Variants in LRRC1 observed in about 807,000 individuals in gnomAD.
LRRC1 encodes leucine-rich repeat-containing protein 1.
LRRC1 carries 28 observed loss-of-function variants against 69.9 expected under a neutral mutation model. That is an observed-to-expected ratio of 0.40 (90% CI 0.30 to 0.55). LRRC1 has a LOEUF of 0.55. LRRC1 is among the 20% of genes least tolerant of loss of function. LRRC1 has a pLI of 0.47. For synonymous variants in LRRC1, 236 were observed against 240.2 expected (o/e 0.98, Z 0.16); for missense variants, 498 against 609.0 (o/e 0.82, Z 1.92).
rs759002954 is a variant in LRRC1, at chr6:53,899,798, T to C, written c.694T>C (p.Leu232=). 2 of 1,614,138 alleles carry C rather than the reference T, an allele frequency of 1.2e-6. No homozygotes were observed. The highest frequency in any genetic ancestry group is 1.1e-5 in the South Asian group (1 of 91,076). The change falls in exon 8 of 14, where the codon TTG becomes CTG. Residue 232 remains leucine (L), a synonymous_variant. Transcript: ENST00000370888. ...LLCLDVSENR[L]ERLPEEISGL... is the part of the protein sequence containing the mutation. ...GTGTTTAGATGTCTCTGAAAACAGG[T>C]TGGAAAGACTTCCTGAAGAAATCAG...
chr6:53,893,672 G>A, intron 4 of LRRC1, among the ~76,000 whole-genome samples: 1 of 152,150 alleles, frequency 6.6e-6, no homozygotes, highest in East Asian at 1.9e-4. Flanking sequence ...AAGCATTTCA[G>A]ATAAGGGATA....
At chr6:53,892,100 A>G (rs1767725780) in intron 4 of LRRC1, among the ~76,000 whole-genome samples, 2 of 151,992 alleles carry the variant, frequency 1.3e-5, no homozygotes, top group Admixed American at 1.3e-4. Context: ...ACCTATTTGC[A>G]AAATTGACTT....
intron 4 of LRRC1, among the ~76,000 whole-genome samples, chr6:53,886,540 G>A (rs1011267849): frequency 4.6e-5 from 7 of 152,072 alleles, no homozygotes; most frequent in Non-Finnish European, 1.0e-4. Context: ...GGGTAGGCTC[G>A]CTGATTATTT....
chr6:53,875,952 T>A (rs1448292624), intron 2 of LRRC1, among the ~76,000 whole-genome samples: 1 of 152,242 alleles, frequency 6.6e-6, no homozygotes, highest in Non-Finnish European at 1.5e-5. Context: ...ACTGTAGTCA[T>A]CTTACAGTGC....
At chr6:53,899,937 G>A (rs751388966) in intron 8 of LRRC1, 46 bp downstream of exon 8, 84 of 1,564,628 alleles carry the variant, frequency 5.4e-5, no homozygotes, top group South Asian at 3.6e-4. Context: ...GCCTGCCGTC[G>A]TCTTGAGGGT....
chr6:53,873,289 C>CTTTTTTTTTT (rs57201410), intron 2 of LRRC1, among the ~76,000 whole-genome samples: 5 of 136,802 alleles, frequency 3.7e-5, no homozygotes, highest in Non-Finnish European at 3.1e-5. Context: ...ACCGATTTTT[C>CTTTTTTTTTT]TTTTTTTTTT....
intron 1 of LRRC1, among the ~76,000 whole-genome samples, chr6:53,815,872 A>G (rs1288091194): frequency 3.3e-5 from 5 of 152,218 alleles, no homozygotes; most frequent in Non-Finnish European, 7.3e-5. Flanking sequence ...TAATGCTAAC[A>G]CTGAAAAATA....
chr6:53,829,394 T>C (rs1765367637), intron 1 of LRRC1, among the ~76,000 whole-genome samples: 1 of 152,250 alleles, frequency 6.6e-6, no homozygotes, highest in African/African-American at 2.4e-5. Flanking sequence ...TAAAAAGTAG[T>C]GTTGTAAAGT....
intron 1 of LRRC1, among the ~76,000 whole-genome samples, chr6:53,810,292 C>G (rs2127405293): frequency 6.6e-6 from 1 of 152,342 alleles, no homozygotes; most frequent in East Asian, 1.9e-4. Context: ...GGAAAAATCT[C>G]TAGCAGGAAT....
At chr6:53,885,693 G>A (rs1767450620) in intron 4 of LRRC1, among the ~76,000 whole-genome samples, 1 of 152,158 alleles carries the variant, frequency 6.6e-6, no homozygotes, top group Admixed American at 6.5e-5. Context: ...AAGGACTTGG[G>A]CCTCCTCAGG....
intron 12 of LRRC1, 171 bp from the exon 13 acceptor site, chr6:53,920,454 T>G (rs1218682016): frequency 5.3e-6 from 3 of 566,608 alleles, no homozygotes; most frequent in Non-Finnish European, 9.1e-6. Flanking sequence ...GTTTTTGAAT[T>G]TTGTGTGTGT....
intron 1 of LRRC1, among the ~76,000 whole-genome samples, chr6:53,838,074 C>T (rs999097765): frequency 5.3e-5 from 8 of 152,186 alleles, no homozygotes; most frequent in African/African-American, 1.9e-4. Flanking sequence ...TGGCTGATCT[C>T]AAAGGCAAGG....
chr6:53,858,733 C>T (rs1766400561), intron 2 of LRRC1, among the ~76,000 whole-genome samples: 1 of 152,086 alleles, frequency 6.6e-6, no homozygotes, highest in Non-Finnish European at 1.5e-5. Context: ...ATGGATGGTG[C>T]TGTGTGACAA....
intron 2 of LRRC1, among the ~76,000 whole-genome samples, chr6:53,848,121 A>C (rs1766006812): frequency 6.6e-6 from 1 of 152,174 alleles, no homozygotes; most frequent in Non-Finnish European, 1.5e-5. Flanking sequence ...AAAATATCAC[A>C]GGAGACATCC....
At chr6:53,883,010 GT>G (rs1562058774) in intron 4 of LRRC1, 34 bp downstream of exon 4, 9 of 1,334,120 alleles carry the variant, frequency 6.7e-6, no homozygotes, top group Admixed American at 1.8e-5. Flanking sequence ...GTGGATCAGG[GT>G]GAAAGGGGGT....
intron 8 of LRRC1, among the ~76,000 whole-genome samples, chr6:53,901,043 G>A (rs147674269): frequency 4.2e-5 from 4 of 95,604 alleles, no homozygotes; most frequent in African/African-American, 8.0e-5. Context: ...CTGGAAAATC[G>A]GTAGGGGTTT....
intron 8 of LRRC1, among the ~76,000 whole-genome samples, chr6:53,901,871 C>T (rs186462767): frequency 5.3e-4 from 81 of 152,326 alleles, no homozygotes; most frequent in Non-Finnish European, 9.6e-4. Context: ...ATACGCCTTT[C>T]GGTATTTTTC....
intron 2 of LRRC1, among the ~76,000 whole-genome samples, chr6:53,870,977 T>C (rs1766863614): frequency 6.6e-6 from 1 of 152,232 alleles, no homozygotes; most frequent in African/African-American, 2.4e-5. Context: ...ATTTCATTCT[T>C]TTTTTATGGC....
chr6:53,922,576 A>G, intron 13 of LRRC1, 59 bp from the exon 14 acceptor site: 1 of 1,461,728 alleles, frequency 6.8e-7, no homozygotes, highest in South Asian at 1.3e-5. Context: ...TTGAAGCTGC[A>G]TGTTTTGAAA....
Sources: allele counts gnomAD v4.1 joint callset (sites outside exome capture counted in the v4.1 genomes callset), GRCh38; gene constraint gnomAD v4.1.1; transcripts MANE v1.5; gene names NCBI Gene and HGNC (gene_info 2026-07-23, HGNC 2026-07-21).